OSMR: variants seen among roughly 807,000 people sequenced by gnomAD.
The protein encoded by OSMR is oncostatin-M-specific receptor subunit beta.
Under a neutral mutation model 99.9 loss-of-function variants are expected in OSMR, and 81 were observed. The ratio of observed to expected loss-of-function variants is 0.81; its 90% CI spans 0.68 to 0.97. The LOEUF is 0.97. Among genes scored for constraint, OSMR ranks in the 50% least tolerant of loss-of-function variants. The pLI is 0.00. For missense variants in OSMR, 1,099 were observed against 1,153.4 expected (o/e 0.95, Z 0.68); for synonymous variants, 406 against 410.4 (o/e 0.99, Z 0.13).
chr5:38,877,740 C>A (rs567177303), intron 3 of OSMR, among the ~76,000 whole-genome samples: 1 of 152,190 alleles, frequency 6.6e-6, no homozygotes, highest in African/African-American at 2.4e-5. Context: ...ATAACATTAA[C>A]CATAGACTAC....
At chr5:38,900,861 C>T (rs1744845025) in intron 7 of OSMR, among the ~76,000 whole-genome samples, 2 of 152,100 alleles carry the variant, frequency 1.3e-5, no homozygotes, top group South Asian at 4.1e-4. Context: ...GTAAGAGAGC[C>T]CTTCCTGCGT....
chr5:38,852,249 T>C (rs1740431677), intron 1 of OSMR, among the ~76,000 whole-genome samples: 1 of 152,326 alleles, frequency 6.6e-6, no homozygotes, highest in East Asian at 1.9e-4. Context: ...GCTATAACAG[T>C]CTTTAAACAC....
At chr5:38,879,219 G>A (rs969703218) in intron 3 of OSMR, among the ~76,000 whole-genome samples, 7 of 152,240 alleles carry the variant, frequency 4.6e-5, no homozygotes, top group South Asian at 2.1e-4. Context: ...GAGCAGAGGC[G>A]CTGAGAGAAG....
intron 9 of OSMR, among the ~76,000 whole-genome samples, chr5:38,915,371 G>A (rs1227808095): frequency 1.3e-5 from 2 of 152,170 alleles, no homozygotes; most frequent in Non-Finnish European, 1.5e-5. Flanking sequence ...CAAAAAGGAT[G>A]TTTTTCTCGA....
At chr5:38,892,542 T>G (rs1259204448) in intron 7 of OSMR, among the ~76,000 whole-genome samples, 1 of 152,032 alleles carries the variant, frequency 6.6e-6, no homozygotes, top group Non-Finnish European at 1.5e-5. Context: ...CTGACTCAAC[T>G]AGCCAACACC....
chr5:38,885,180 G>C (rs1743614112), intron 5 of OSMR, 169 bp from the exon 6 acceptor site: 15 of 985,346 alleles, frequency 1.5e-5, no homozygotes, highest in Non-Finnish European at 1.7e-5. Context: ...AAGATGAGGT[G>C]ACCCCTGAAA....
At position 38,932,342 on chromosome 5, in the gene OSMR, G is replaced by A. The variant is rs1359458265; in HGVS notation, c.2295-121G>A. 3 of 750,884 alleles carry A rather than the reference G, an allele frequency of 4.0e-6. No homozygotes were observed. In the Admixed American group the frequency reaches 6.1e-5, roughly 15 times the overall value. 46.5% of individuals were successfully genotyped at this position (750,884 alleles called of 1,614,324 possible). On this transcript the variant is annotated intron_variant, in intron 16 of 17. Transcript: ENST00000274276. ...AGAAATTAAAGCATGGAAGAATTAA[G>A]TAACTTGCTTAATAAGTTACAACGC...
chr5:38,904,635 A>C, intron 9 of OSMR, 132 bp downstream of exon 9: 1 of 1,079,608 alleles, frequency 9.3e-7, no homozygotes, highest in Non-Finnish European at 1.4e-6. Flanking sequence ...CATTTAAAAA[A>C]TTAGATTAGG....
At chr5:38,862,296 A>AC (rs1237945285) in intron 1 of OSMR, among the ~76,000 whole-genome samples, 3 of 72,696 alleles carry the variant, frequency 4.1e-5, no homozygotes, top group Admixed American at 1.3e-4. Flanking sequence ...CGGGGGGCTG[A>AC]CCCCCCCACC....
intron 1 of OSMR, among the ~76,000 whole-genome samples, chr5:38,863,678 G>T (rs1266234900): frequency 6.6e-6 from 1 of 152,324 alleles, no homozygotes; most frequent in African/African-American, 2.4e-5. Flanking sequence ...GGTCCATTTG[G>T]TCTAAAGTGC....
chr5:38,909,613 A>G (rs1449319206), intron 9 of OSMR, among the ~76,000 whole-genome samples: 1 of 152,236 alleles, frequency 6.6e-6, no homozygotes, highest in Non-Finnish European at 1.5e-5. Context: ...CAAGAATTTC[A>G]TATCTAGCCA....
At chr5:38,881,571 A>G (rs375677074) in intron 3 of OSMR, 22 bp from the exon 4 acceptor site, 34 of 1,614,012 alleles carry the variant, frequency 2.1e-5, no homozygotes, top group East Asian at 4.5e-5. Flanking sequence ...TGTGTCTCCA[A>G]TTGTTTTCTC....
intron 11 of OSMR, chr5:38,919,503 A>C (rs146243107): frequency 6.5e-5 from 28 of 430,282 alleles, no homozygotes; most frequent in African/African-American, 5.6e-4. Flanking sequence ...AACTGGCATC[A>C]ACTTTCACCA....
intron 1 of OSMR, among the ~76,000 whole-genome samples, chr5:38,861,293 G>A (rs1350553200): frequency 1.3e-5 from 2 of 151,934 alleles, no homozygotes; most frequent in African/African-American, 2.4e-5. Flanking sequence ...TGTGTCCCTG[G>A]GTACTTGAGA....
In OSMR at chr5:38,851,812, G is replaced by A. The variant is rs929947257; in HGVS notation, c.-14+5425G>A. Among the ~76,000 whole-genome samples the A allele has an allele frequency of 5.3e-5, 8 of 152,206 alleles. No individual in the cohort carries two copies. In the South Asian group the frequency reaches 1.5e-3, roughly 28 times the overall value. On this transcript the variant is annotated intron_variant, in intron 1 of 17. Coordinates refer to ENST00000274276, the MANE Select transcript of OSMR (RefSeq NM_003999.3). ...TGGGAGGAACCCAGTACGAGATAAC[G>A]GAATCATGGGGGCAGTTTCCCCCAT...
At position 38,882,303 on chromosome 5, in the gene OSMR, G is replaced by A. The variant is rs573897797; in HGVS notation, c.418+539G>A. Among the ~76,000 whole-genome samples, 15 of 152,298 alleles carry A rather than the reference G, an allele frequency of 9.8e-5. No individual in the cohort carries two copies. The South Asian group carries it at 3.1e-3, about 32-fold the overall frequency. ...TATTTACAGAAACAGGGCCAGGCAT[G>A]GTGGCTCACTCCTGTAATCTCAGCA... On this transcript the variant is annotated intron_variant, in intron 4 of 17. Coordinates refer to ENST00000274276, the MANE Select transcript of OSMR (RefSeq NM_003999.3).
chr5:38,937,597 T>C (rs1747117045), downstream of OSMR, among the ~76,000 whole-genome samples: 2 of 152,180 alleles, frequency 1.3e-5, no homozygotes, highest in South Asian at 4.1e-4. The surrounding 1 kb of genome is among the most constrained non-coding windows in gnomAD (Gnocchi z 4.0). Context: ...ATCAAATACC[T>C]TCCACAGAGA....
At chr5:38,880,115 G>A (rs547394096) in intron 3 of OSMR, among the ~76,000 whole-genome samples, 28 of 152,270 alleles carry the variant, frequency 1.8e-4, no homozygotes, top group Non-Finnish European at 3.2e-4. Flanking sequence ...TGCCCCCTGG[G>A]TGGACCAGGA....
chr5:38,870,236 T>C (rs977807519), intron 2 of OSMR, among the ~76,000 whole-genome samples: 4 of 152,132 alleles, frequency 2.6e-5, no homozygotes, highest in African/African-American at 9.7e-5. Flanking sequence ...TCATTTGTAG[T>C]ATGTATACCT....
Sources: gnomAD v4.1 joint callset for allele counts (sites outside exome capture counted in the v4.1 genomes callset) on GRCh38, gnomAD v4.1.1 for gene constraint, Gnocchi (gnomAD v3.1) non-coding constraint, MANE v1.5 for transcripts, NCBI Gene and HGNC (gene_info 2026-07-23, HGNC 2026-07-21) for gene names.